Variants in MICAL2 observed in about 807,000 individuals in gnomAD.
MICAL2 encodes [F-actin]-monooxygenase MICAL2.
A neutral mutation model predicts 127.3 loss-of-function variants in MICAL2; 77 were observed. That is an observed-to-expected ratio of 0.60 (90% CI 0.50 to 0.73). MICAL2 has a LOEUF of 0.73. Ranked by LOEUF, MICAL2 falls within the 30% of genes least tolerant of loss-of-function variation. MICAL2 has a pLI of 0.00. For missense variants in MICAL2, 1,351 were observed against 1,434.4 expected, an observed-to-expected ratio of 0.94 and a Z score of 0.94; for synonymous variants, 570 against 551.1, an observed-to-expected ratio of 1.03 and a Z score of -0.48.
intron 29 of MICAL2, among the ~76,000 whole-genome samples, chr11:12,304,166 C>T (rs1295619149): frequency 1.3e-5 from 2 of 152,052 alleles, no homozygotes; most frequent in Non-Finnish European, 1.5e-5. Flanking sequence ...ACATGCATGG[C>T]TTGTATTATA....
At chr11:12,293,585 C>T, downstream of MICAL2, 1 of 1,612,640 alleles carries the variant, frequency 6.2e-7, no homozygotes, top group Admixed American at 1.7e-5. Context: ...GCCCCTCTCG[C>T]AAGTCTCGAG....
intron 32 of MICAL2, among the ~76,000 whole-genome samples, chr11:12,344,473 T>TG (rs1565311253): frequency 7.0e-3 from 176 of 25,238 alleles, no homozygotes; most frequent in African/African-American, 0.03. Flanking sequence ...TTCTAGAAAC[T>TG]ATTATTATTA....
chr11:12,145,266 C>T (rs1056590558), intron 2 of MICAL2, among the ~76,000 whole-genome samples: 6 of 152,196 alleles, frequency 3.9e-5, no homozygotes, highest in African/African-American at 1.2e-4. Context: ...TGCATGCTAT[C>T]AGGACCCAGC....
downstream of MICAL2, chr11:12,294,470 A>T (rs868826714): frequency 6.2e-7 from 1 of 1,614,168 alleles, no homozygotes; most frequent in African/African-American, 1.3e-5. Flanking sequence ...CCGCACCCAC[A>T]GTTTGCCCAA....
At chr11:12,117,459 G>A (rs959091685) in intron 1 of MICAL2, among the ~76,000 whole-genome samples, 2 of 152,224 alleles carry the variant, frequency 1.3e-5, no homozygotes, top group Admixed American at 6.5e-5. Flanking sequence ...TTGTTCCCAC[G>A]ACTCTGAATG....
At chr11:12,213,847 G>C (rs1194274111) in intron 7 of MICAL2, among the ~76,000 whole-genome samples, 1 of 152,164 alleles carries the variant, frequency 6.6e-6, no homozygotes, top group Non-Finnish European at 1.5e-5. Context: ...GGTTCCTAAA[G>C]GTTCCCGGGT....
chr11:12,332,981 G>C (rs1372055871), intron 32 of MICAL2, among the ~76,000 whole-genome samples: 2 of 152,132 alleles, frequency 1.3e-5, no homozygotes, highest in Non-Finnish European at 2.9e-5. Flanking sequence ...CAGTCCGCTT[G>C]CTGTATATTC....
chr11:12,243,552 C>T (rs1042351994), intron 20 of MICAL2, among the ~76,000 whole-genome samples: 1 of 152,188 alleles, frequency 6.6e-6, no homozygotes, highest in African/African-American at 2.4e-5. Context: ...TTTTAGGATT[C>T]CTCATGCCTG....
chr11:12,259,598 G>A (rs893530255), intron 25 of MICAL2, 197 bp from the exon 26 acceptor site: 21 of 449,982 alleles, frequency 4.7e-5, no homozygotes, highest in African/African-American at 1.4e-4. Context: ...TTGAAGGCTC[G>A]TGACTCCTAT....
chr11:12,351,599 AAG>A (rs1232136417), intron 33 of MICAL2, among the ~76,000 whole-genome samples: 1 of 152,034 alleles, frequency 6.6e-6, no homozygotes, highest in East Asian at 1.9e-4. Context: ...CTGGGAGAGA[AAG>A]AGAGGAGTGA....
downstream of MICAL2, among the ~76,000 whole-genome samples, chr11:12,293,173 A>G (rs1477191037): frequency 1.3e-5 from 2 of 152,182 alleles, no homozygotes; most frequent in Non-Finnish European, 1.5e-5. Context: ...ATGGCTGAGC[A>G]AGAAAATGAA....
At chr11:12,187,597 T>C (rs556372431) in intron 3 of MICAL2, among the ~76,000 whole-genome samples, 1 of 152,362 alleles carries the variant, frequency 6.6e-6, no homozygotes, top group South Asian at 2.1e-4. Flanking sequence ...TGAGATGGAC[T>C]CAGACGCTGT....
chr11:12,315,554 T>C (rs530710322), intron 29 of MICAL2, among the ~76,000 whole-genome samples: 1 of 152,312 alleles, frequency 6.6e-6, no homozygotes, highest in Admixed American at 6.5e-5. Context: ...CAGAGTATCT[T>C]TCCGTTATTA....
At chr11:12,280,895 G>A (rs3993127) in intron 1 of MICAL2, 131,712 of 398,374 alleles carry the variant, frequency 0.33, 24,457 homozygotes, top group East Asian at 0.68. Flanking sequence ...TGGGTTCCAG[G>A]CCCCCTGACT....
At chr11:12,326,737 C>T (rs909752655) in intron 31 of MICAL2, among the ~76,000 whole-genome samples, 1 of 152,170 alleles carries the variant, frequency 6.6e-6, no homozygotes, top group Non-Finnish European at 1.5e-5. Flanking sequence ...GAGGTATAGG[C>T]TGGTTCTTCT....
At chr11:12,174,951 T>C (rs1856674751) in intron 3 of MICAL2, among the ~76,000 whole-genome samples, 1 of 152,032 alleles carries the variant, frequency 6.6e-6, no homozygotes, top group Non-Finnish European at 1.5e-5. Flanking sequence ...CAAAATGCCA[T>C]TTCTACAAAA....
downstream of MICAL2, among the ~76,000 whole-genome samples, chr11:12,361,632 C>T (rs541472612): frequency 2.0e-5 from 3 of 152,300 alleles, no homozygotes; most frequent in South Asian, 6.2e-4. Flanking sequence ...CAATCAATGC[C>T]AAGATGCACC....
Position 12,255,707 on chromosome 11 carries a change from T to TGATTGTACAG in MICAL2, c.2914_2915insTTGTACAGGA (p.Asn972IlefsTer5). On this transcript the variant is annotated frameshift_variant, in exon 23 of 28. Transcript: ENST00000683283. LOFTEE classifies it high-confidence loss of function. ...GCTGAAGTCCTGGTCAATCTGTACA[T>TGATTGTACAG]GAATGATCACAGACCTAAGGCCCAG... 5 of 1,614,102 alleles carry TGATTGTACAG rather than the reference T, an allele frequency of 3.1e-6. No homozygotes were observed. Among genetic ancestry groups the TGATTGTACAG allele is most frequent in the Non-Finnish European group, 4.2e-6 (5 of 1,179,996 alleles).
intron 1 of MICAL2, among the ~76,000 whole-genome samples, chr11:12,279,927 G>A (rs887311754): frequency 6.6e-6 from 1 of 152,228 alleles, no homozygotes; most frequent in African/African-American, 2.4e-5. Context: ...AGACACAGGT[G>A]GACGAGTGGC....
Sources: gnomAD v4.1 joint callset for allele counts (sites outside exome capture counted in the v4.1 genomes callset) on GRCh38, gnomAD v4.1.1 for gene constraint, MANE v1.5 for transcripts, NCBI Gene and HGNC (gene_info 2026-07-23, HGNC 2026-07-21) for gene names.